Variants in MGST2 observed in about 807,000 individuals in gnomAD.
MGST2 encodes glutathione peroxidase MGST2.
A neutral mutation model predicts 16.6 loss-of-function variants in MGST2; 9 were observed. The ratio of observed to expected loss-of-function variants is 0.54; its 90% CI spans 0.33 to 0.95. The LOEUF (loss-of-function observed/expected upper bound fraction) is 0.95. Among genes scored for constraint, MGST2 ranks in the 40% least tolerant of loss-of-function variants. MGST2 has a pLI of 0.03. For missense variants in MGST2, 159 were observed against 175.1 expected (o/e 0.91, Z 0.52); for synonymous variants, 79 against 68.0 (o/e 1.16, Z -0.79).
chr4:139,679,278 G>A lies in MGST2; in HGVS notation c.158+636G>A, dbSNP rs189408854. On this transcript the variant is annotated intron_variant, in intron 2 of 4. Coordinates refer to ENST00000265498, the MANE Select transcript of MGST2 (RefSeq NM_002413.5). ...ACGTGCTTTAAGAAACATTTCATGC[G>A]TCACCACTGATATATCATTGGGTTC... Among the ~76,000 whole-genome samples, 31 of 152,232 alleles carry A rather than the reference G, an allele frequency of 2.0e-4. 1 individual carries two copies. Among genetic ancestry groups the A allele is most frequent in the African/African-American group, 7.0e-4 (29 of 41,522 alleles).
At chr4:139,707,004 GAGA>G (rs1727544274), downstream of MGST2, among the ~76,000 whole-genome samples, 1 of 152,104 alleles carries the variant, frequency 6.6e-6, no homozygotes, top group African/African-American at 2.4e-5. Flanking sequence ...GTGGGGGATA[GAGA>G]AGAACTTTTC....
At chr4:139,700,912 A>G (rs967588509) in intron 3 of MGST2, among the ~76,000 whole-genome samples, 1 of 152,218 alleles carries the variant, frequency 6.6e-6, no homozygotes, top group Non-Finnish European at 1.5e-5. Context: ...AATAAACCAA[A>G]ATCCAGCTGC....
downstream of MGST2, among the ~76,000 whole-genome samples, chr4:139,745,711 GT>G (rs1334188519): frequency 6.6e-6 from 1 of 152,126 alleles, no homozygotes; most frequent in Non-Finnish European, 1.5e-5. Flanking sequence ...AATAATGCTA[GT>G]TTTTCTGGTC....
chr4:139,753,130 T>C, the MGST2 span, among the ~76,000 whole-genome samples: 1 of 152,206 alleles, frequency 6.6e-6, no homozygotes, highest in South Asian at 2.1e-4. Flanking sequence ...TCAATTCCTA[T>C]TTTCCTTCTT....
intron 2 of MGST2, among the ~76,000 whole-genome samples, chr4:139,683,082 G>A (rs1240382365): frequency 6.6e-6 from 1 of 152,158 alleles, no homozygotes; most frequent in Non-Finnish European, 1.5e-5. Context: ...CAGGCAAGCG[G>A]GGGCAGTTCT....
chr4:139,665,987 C>T lies in MGST2; in HGVS notation c.-33C>T, dbSNP rs779741775. The T allele has an allele frequency of 3.1e-6, 5 of 1,611,588 alleles. No homozygotes were observed. The South Asian group carries it at 4.4e-5, about 14-fold the overall frequency. Reference sequence around the variant, plus strand: ...AAAGTCAAGAAGCGCCATTTATCTTCCCGTGCGCTCTACAAATAGTTCCGT... The same window carrying T: ...AAAGTCAAGAAGCGCCATTTATCTTTCCGTGCGCTCTACAAATAGTTCCGT... On this transcript the variant is annotated 5_prime_UTR_variant, in exon 1 of 5. Transcript: ENST00000265498.
chr4:139,693,744 G>C (rs1482546576), intron 2 of MGST2, among the ~76,000 whole-genome samples: 1 of 152,226 alleles, frequency 6.6e-6, no homozygotes, highest in Admixed American at 6.5e-5. Flanking sequence ...AAGAGTATCA[G>C]TGTTAGGCTT....
downstream of MGST2, among the ~76,000 whole-genome samples, chr4:139,706,994 G>A (rs879692363): frequency 6.6e-6 from 1 of 152,152 alleles, no homozygotes; most frequent in Non-Finnish European, 1.5e-5. Context: ...GTGTCAGGAA[G>A]TGGGGGATAG....
In MGST2 at chr4:139,725,767, C is replaced by G. The variant is rs750100990; in HGVS notation, c.*49-14445C>G. 4 of 1,613,974 alleles carry G rather than the reference C, an allele frequency of 2.5e-6. No individual in the cohort carries two copies. In the South Asian group the frequency reaches 4.4e-5, roughly 18 times the overall value. On this transcript the variant is annotated intron_variant, in intron 5 of 5. Transcript: ENST00000616265. ...TGGCCTCACCTTGAAACTGATTGAC[C>G]TGCTGCACTGGGTATGGATTCCGCT...
At chr4:139,725,365 A>G (rs919352722) in intron 5 of MGST2, among the ~76,000 whole-genome samples, 1 of 152,224 alleles carries the variant, frequency 6.6e-6, no homozygotes, top group Non-Finnish European at 1.5e-5. Flanking sequence ...CCCTGTAGTC[A>G]CTAAGATGAC....
chr4:139,719,095 G>T, intron 5 of MGST2: 1 of 520,020 alleles, frequency 1.9e-6, no homozygotes, highest in Non-Finnish European at 3.3e-6. Context: ...CTCTCTCGCA[G>T]CCGGGATCTG....
intron 5 of MGST2, among the ~76,000 whole-genome samples, chr4:139,714,901 C>G (rs1727882262): frequency 6.6e-6 from 1 of 152,126 alleles, no homozygotes; most frequent in African/African-American, 2.4e-5. Flanking sequence ...GAAAAAGCTC[C>G]CCATGTCCCA....
At chr4:139,673,892 T>C (rs1160915594) in intron 1 of MGST2, among the ~76,000 whole-genome samples, 1 of 151,984 alleles carries the variant, frequency 6.6e-6, no homozygotes, top group Non-Finnish European at 1.5e-5. Flanking sequence ...AAGCAGAAGG[T>C]ATAGGAAAGA....
downstream of MGST2, among the ~76,000 whole-genome samples, chr4:139,743,862 GA>G (rs1216660318): frequency 4.6e-5 from 7 of 152,196 alleles, no homozygotes; most frequent in Admixed American, 4.6e-4. Flanking sequence ...TTGAAGGAAA[GA>G]TGGGGTCTCT....
At chr4:139,675,146 A>T (rs2110807810) in intron 1 of MGST2, among the ~76,000 whole-genome samples, 1 of 152,276 alleles carries the variant, frequency 6.6e-6, no homozygotes, top group South Asian at 2.1e-4. Flanking sequence ...ACTCTGTCTT[A>T]TTTGGGTGAC....
intron 2 of MGST2, among the ~76,000 whole-genome samples, chr4:139,690,349 C>A (rs1726507177): frequency 6.6e-6 from 1 of 151,984 alleles, no homozygotes; most frequent in African/African-American, 2.4e-5. Context: ...ACTGTGTTGC[C>A]CAGGCTGGTC....
intron 2 of MGST2, among the ~76,000 whole-genome samples, chr4:139,694,674 C>G (rs561709271): frequency 5.2e-4 from 79 of 152,284 alleles, no homozygotes; most frequent in African/African-American, 1.6e-3. Flanking sequence ...TGCTGTCTAT[C>G]TTTGATTCTC....
At position 139,695,785 on chromosome 4, in the gene MGST2, T is replaced by G. The variant is rs73854332; in HGVS notation, c.229+518T>G. ...GAAAAAAATATTGAGACAAACTATA[T>G]GCTAGATACTCAAGAATGAGAACGA... On this transcript the variant is annotated intron_variant, in intron 3 of 4. Coordinates refer to ENST00000265498, the MANE Select transcript of MGST2 (RefSeq NM_002413.5). Among the ~76,000 whole-genome samples the G allele has an allele frequency of 1.3e-3, 197 of 152,322 alleles. 1 individual carries two copies. Among genetic ancestry groups the G allele is most frequent in the African/African-American group, 4.5e-3 (188 of 41,566 alleles).
chr4:139,752,485 G>A, the MGST2 span, among the ~76,000 whole-genome samples: 1 of 152,106 alleles, frequency 6.6e-6, no homozygotes, highest in African/African-American at 2.4e-5. Flanking sequence ...AAAAGGGGGT[G>A]AGTGATAACC....
Sources: gnomAD v4.1 joint callset for allele counts (sites outside exome capture counted in the v4.1 genomes callset) on GRCh38, gnomAD v4.1.1 for gene constraint, MANE v1.5 for transcripts, NCBI Gene and HGNC (gene_info 2026-07-23, HGNC 2026-07-21) for gene names.